Variants in PLEKHG5 observed in about 807,000 individuals in gnomAD.
The protein encoded by PLEKHG5 is pleckstrin homology domain-containing family G member 5.
PLEKHG5 carries 52 observed loss-of-function variants against 103.8 expected under a neutral mutation model. That is an observed-to-expected ratio of 0.50 (90% CI 0.40 to 0.63). PLEKHG5 has a LOEUF of 0.63. Among genes scored for constraint, PLEKHG5 ranks in the 30% least tolerant of loss-of-function variants. PLEKHG5 has a pLI of 0.00. For synonymous variants in PLEKHG5, 592 were observed against 575.5 expected, an observed-to-expected ratio of 1.03 and a Z score of -0.41; for missense variants, 1,205 against 1,347.6, an observed-to-expected ratio of 0.89 and a Z score of 1.66.
chr1:6,496,343 A>G (rs370162166), upstream of PLEKHG5: 35 of 575,788 alleles, frequency 6.1e-5, no homozygotes, highest in African/African-American at 6.1e-4. Context: ...CCTAAACCAG[A>G]CACACTGTGG....
intron 10 of PLEKHG5, 102 bp downstream of exon 10, chr1:6,472,425 T>C: frequency 1.1e-6 from 1 of 874,388 alleles, no homozygotes; most frequent in Non-Finnish European, 1.9e-6. Context: ...CCCCACCTCA[T>C]TGCCAGGCAC....
chr1:6,485,560 G>C (rs1645012506), intron 1 of PLEKHG5: 2 of 1,058,648 alleles, frequency 1.9e-6, no homozygotes, highest in Non-Finnish European at 2.4e-6. Context: ...GGGGAGGGCC[G>C]GGCCCGGAAC....
At chr1:6,516,798 G>A (rs200863120) in intron 1 of PLEKHG5, among the ~76,000 whole-genome samples, 4 of 143,452 alleles carry the variant, frequency 2.8e-5, no homozygotes, top group Non-Finnish European at 6.0e-5. Context: ...ATATATATGT[G>A]TATATATATG....
rs756078149 is a variant in PLEKHG5, at chr1:6,469,447, G to A, written c.1937C>T (p.Ser646Phe). The A allele has an allele frequency of 2.5e-6, 4 of 1,613,860 alleles. No homozygotes were observed. The highest frequency in any genetic ancestry group is 3.4e-6 in the Non-Finnish European group (4 of 1,179,898). ...IVCRELRDPG[S>F]FLLIYLNEFH... Reference sequence around the variant, plus strand: ...CTCATTCAGGTAGATAAGGAGGAAGGACCCTGGTTAGGGAAGGCCCAAGTC... The same window carrying A: ...CTCATTCAGGTAGATAAGGAGGAAGAACCCTGGTTAGGGAAGGCCCAAGTC... The change falls in exon 18 of 21, where the codon TCC becomes TTC. Residue 646 changes from serine (S) to phenylalanine (F), a missense_variant. Ser to Phe is a radical substitution (Grantham distance 155). Coordinates refer to ENST00000377728, the MANE Select transcript of PLEKHG5 (RefSeq NM_020631.6).
chr1:6,499,124 C>T (rs541215832), upstream of PLEKHG5, among the ~76,000 whole-genome samples: 40 of 152,338 alleles, frequency 2.6e-4, no homozygotes, highest in Non-Finnish European at 4.3e-4. Context: ...CAGGCCCCTG[C>T]GTTCTCAAAA....
At position 6,469,213 on chromosome 1, in the gene PLEKHG5, TC is replaced by T. The variant is rs1644492108; in HGVS notation, c.2077del (p.Glu693SerfsTer72). ...CAGGGGCTGCTGACTGCCTGGGGGC[TC>T]CTGTGCACGCAGCTGTTGCAGCTGG... The part of the protein sequence containing the change: ...QNQLQQLRAQ[E>X]PPGSQQPLQS... On this transcript the variant is annotated frameshift_variant, in exon 19 of 21. Transcript: ENST00000377728. LOFTEE classifies it high-confidence loss of function. 6.2e-7 allele frequency: 1 copy of T among 1,613,516 alleles called. No individual in the cohort carries two copies. Among genetic ancestry groups the T allele is most frequent in the East Asian group, 2.2e-5 (1 of 44,890 alleles).
intron 1 of PLEKHG5, among the ~76,000 whole-genome samples, chr1:6,511,832 AGAGGAAGGGG>A (rs1201997958): frequency 6.6e-6 from 1 of 152,166 alleles, no homozygotes; most frequent in Non-Finnish European, 1.5e-5. Context: ...TGGCCTGAAT[AGAGGAAGGGG>A]GAGAGGGTTC....
chr1:6,499,569 A>C (rs1645273213), upstream of PLEKHG5, among the ~76,000 whole-genome samples: 1 of 152,150 alleles, frequency 6.6e-6, no homozygotes, highest in African/African-American at 2.4e-5. Context: ...GCAGACACGA[A>C]GAAAAATCCA....
rs1553174372 is a variant in PLEKHG5, at chr1:6,471,791, G to C, written c.1098C>G (p.Leu366=). The change falls in exon 11 of 21, where the codon CTC becomes CTG. Residue 366 remains leucine (L), a synonymous_variant. Coordinates refer to ENST00000377728, the MANE Select transcript of PLEKHG5 (RefSeq NM_020631.6). ...RVIINLFLCC[L]LNLQESGLLC... ...GCAGCCCTGACTCTTGCAGGTTCAG[G>C]AGGCAGCACAGGAACAGCTGTGGGA... 6.2e-7 allele frequency: 1 copy of C among 1,610,112 alleles called. No individual in the cohort carries two copies. The highest frequency in any genetic ancestry group is 1.7e-5 in the Admixed American group (1 of 59,624).
At chr1:6,517,984 G>C (rs927284682) in intron 1 of PLEKHG5, among the ~76,000 whole-genome samples, 1 of 152,070 alleles carries the variant, frequency 6.6e-6, no homozygotes, top group Non-Finnish European at 1.5e-5. Context: ...CCAGGCTGGA[G>C]TGCAGTGGCT....
Position 6,470,308 on chromosome 1 carries a change from G to A in PLEKHG5, c.1728C>T (p.Gly576=), listed in dbSNP as rs748889339. Residue 576 remains glycine (G), a synonymous_variant, in exon 16 of 21, where the codon GGC becomes GGT. Coordinates refer to ENST00000377728, the MANE Select transcript of PLEKHG5 (RefSeq NM_020631.6). The part of the protein sequence containing the change: ...LHLDLTAPIP[G]ASPEETRQLL... ...GCTGCCGCGTCTCCTCCGGGGAGGC[G>A]CCAGGGATGGGCGCTGTCAAGTCCA... 3.7e-6 allele frequency: 6 copies of A among 1,613,960 alleles called. No individual in the cohort carries two copies. Among genetic ancestry groups the A allele is most frequent in the Admixed American group, 3.3e-5 (2 of 60,020 alleles).
chr1:6,519,903 C>G (rs939460361), exon 1 of PLEKHG5: 1 of 327,466 alleles, frequency 3.1e-6, no homozygotes, highest in African/African-American at 2.1e-5. Context: ...AGGTGCCGTC[C>G]CTCCTTTCCA....
At chr1:6,471,681 G>T (rs967878170) in intron 11 of PLEKHG5, 44 bp from the exon 12 acceptor site, 20 of 1,572,040 alleles carry the variant, frequency 1.3e-5, no homozygotes, top group Non-Finnish European at 1.7e-5. Context: ...CCTCCGCCAG[G>T]TTAGCCCCGC....
chr1:6,497,173 T>C, upstream of PLEKHG5: 1 of 895,260 alleles, frequency 1.1e-6, no homozygotes. This position sits in a 1 kb window ranked among gnomAD's most constrained non-coding sequence, Gnocchi z 6.1. Context: ...GGCCCCGACT[T>C]GGGGGCCGAG....
chr1:6,511,977 C>A (rs886395702), intron 1 of PLEKHG5, among the ~76,000 whole-genome samples: 1 of 152,224 alleles, frequency 6.6e-6, no homozygotes, highest in Non-Finnish European at 1.5e-5. Context: ...AGCCCCCTTT[C>A]CCTGGCTGTC....
upstream of PLEKHG5, chr1:6,497,000 G>A (rs1490001234): frequency 1.3e-6 from 2 of 1,527,710 alleles, no homozygotes; most frequent in East Asian, 2.5e-5. Context: ...GCCCCCGAAG[G>A]TCTGGGGCGA....
At chr1:6,511,942 C>A (rs1638484701) in intron 1 of PLEKHG5, among the ~76,000 whole-genome samples, 1 of 152,246 alleles carries the variant, frequency 6.6e-6, no homozygotes, top group East Asian at 1.9e-4. Flanking sequence ...CAGGAACAGA[C>A]TCCTGCTGGG....
upstream of PLEKHG5, chr1:6,496,441 G>C (rs1274507984): frequency 1.5e-6 from 2 of 1,366,312 alleles, no homozygotes; most frequent in East Asian, 4.7e-5. Flanking sequence ...AGGGCAGTTA[G>C]AGCCCTGGCC....
chr1:6,488,090 C>T (rs1201976234), intron 1 of PLEKHG5, among the ~76,000 whole-genome samples: 1 of 152,174 alleles, frequency 6.6e-6, no homozygotes, highest in African/African-American at 2.4e-5. Context: ...AGGTGAGTTC[C>T]TACTTCAAAT....
Sources: gnomAD v4.1 joint callset for allele counts (sites outside exome capture counted in the v4.1 genomes callset) on GRCh38, gnomAD v4.1.1 for gene constraint, Gnocchi (gnomAD v3.1) non-coding constraint, MANE v1.5 for transcripts, NCBI Gene and HGNC (gene_info 2026-07-23, HGNC 2026-07-21) for gene names.